The following SLC9A6 variants were observed in gnomAD, a reference collection of about 807,000 sequenced individuals.
SLC9A6 encodes the protein sodium/hydrogen exchanger 6.
Under a neutral mutation model 45.3 loss-of-function variants are expected in SLC9A6, and 6 were observed. The ratio of observed to expected loss-of-function variants is 0.13; its 90% CI spans 0.07 to 0.26. SLC9A6 has a LOEUF of 0.26. Among genes scored for constraint, SLC9A6 ranks in the 10% least tolerant of loss-of-function variants. SLC9A6 has a pLI of 1.00. For missense variants in SLC9A6, 278 were observed against 503.7 expected, an observed-to-expected ratio of 0.55 and a Z score of 4.29; for synonymous variants, 191 against 187.7, an observed-to-expected ratio of 1.02 and a Z score of -0.14.
rs538198281 is a variant in SLC9A6, at chrX:136,015,038, G to A, written c.1080+1601G>A. Among the ~76,000 whole-genome samples, 5 of 112,613 alleles carry A rather than the reference G, an allele frequency of 4.4e-5. No individual in the cohort carries two copies. In the South Asian group the frequency reaches 1.8e-3, roughly 41 times the overall value. ...GGGGAGGCAGTACAGATAAAGGCAG[G>A]AATAAAAAGAAGGCAGTAAAGTGTA... On this transcript the variant is annotated intron_variant, in intron 10 of 17. Transcript: ENST00000630721.
chrX:136,008,687 T>G (rs1603206199), intron 7 of SLC9A6, among the ~76,000 whole-genome samples: 1 of 112,337 alleles, frequency 8.9e-6, no homozygotes, highest in Non-Finnish European at 1.9e-5. Context: ...AATCGATCTA[T>G]CAGGGTAGTG....
chrX:136,034,581 T>A (rs1001199661), intron 16 of SLC9A6, among the ~76,000 whole-genome samples: 13 of 112,245 alleles, frequency 1.2e-4, no homozygotes, highest in Non-Finnish European at 2.4e-4. Context: ...TTATGTTCTA[T>A]TGAAGCAAAT....
rs781984988 is a variant in SLC9A6, at chrX:135,989,802, T to A, written c.169+3975T>A. Among the ~76,000 whole-genome samples the A allele has an allele frequency of 2.7e-5, 3 of 111,778 alleles. No individual in the cohort carries two copies. The South Asian group carries it at 1.1e-3, about 42-fold the overall frequency. ...TAGTAGGGCCTTGGGTGATGCTGATTTTTTTTATCACTGGGAGACTTTTCA... is the reference window on the plus strand; with the variant it reads ...TAGTAGGGCCTTGGGTGATGCTGATATTTTTTATCACTGGGAGACTTTTCA... On this transcript the variant is annotated intron_variant, in intron 2 of 17. Coordinates refer to ENST00000630721, the MANE Select transcript of SLC9A6 (RefSeq NM_001379110.1).
rs1019347836 is a variant in SLC9A6 at position 136,000,823 on chromosome X, A to G, written c.638-1285A>G. On this transcript the variant is annotated intron_variant, in intron 6 of 17. Transcript: ENST00000630721. ...GCTGCAATGCTTTGTAGTAGAAACT[A>G]TATCTTTTAAAATATACTGGACATG... Among the ~76,000 whole-genome samples, 8 of 110,689 alleles carry G rather than the reference A, an allele frequency of 7.2e-5. No homozygotes were observed. The Admixed American group carries it at 7.8e-4, about 11-fold the overall frequency.
chrX:136,013,413 G>A lies in SLC9A6; in HGVS notation c.1056G>A (p.Thr352=), dbSNP rs1414917241. 2 of 1,198,823 alleles carry A rather than the reference G, an allele frequency of 1.7e-6. No homozygotes were observed. Among genetic ancestry groups the A allele is most frequent in the Non-Finnish European group, 2.3e-6 (2 of 885,772 alleles). The change falls in exon 10 of 18, where the codon ACG becomes ACA. Residue 352 remains threonine (T), a synonymous_variant. Transcript: ENST00000630721. ...QAHYTYNNLS[T]ESQHRTKQLF... Reference sequence around the variant, plus strand: ...ATTATACGTATAATAATTTGTCCACGGAGTCTCAGCATAGAACTAAACAGG... The same window carrying A: ...ATTATACGTATAATAATTTGTCCACAGAGTCTCAGCATAGAACTAAACAGG...
At chrX:136,014,881 T>C (rs1556619102) in intron 10 of SLC9A6, among the ~76,000 whole-genome samples, 1 of 112,762 alleles carries the variant, frequency 8.9e-6, no homozygotes, top group Non-Finnish European at 1.9e-5. Flanking sequence ...GAATCCTAGA[T>C]TATGTACTTC....
At chrX:136,008,970 A>G (rs782612901) in intron 7 of SLC9A6, among the ~76,000 whole-genome samples, 28 of 112,354 alleles carry the variant, frequency 2.5e-4, no homozygotes, top group Middle Eastern at 4.6e-3. Context: ...TTGAATTTAC[A>G]TGAACTAATC....
At position 136,002,200 on chromosome X, in the gene SLC9A6, A is replaced by G. The variant is rs782453551; in HGVS notation, c.730A>G (p.Ile244Val). ...AAGTGTCCTCAATGATGCTGTTGCCATAGTGCTGTCCTCGTAAGTGTTTGT... is the reference window on the plus strand; with the variant it reads ...AAGTGTCCTCAATGATGCTGTTGCCGTAGTGCTGTCCTCGTAAGTGTTTGT... ...GESVLNDAVA[I>V]VLSSSIVAYQ... is the part of the protein sequence containing the mutation. The change falls in exon 7 of 18, where the codon ATA becomes GTA. Residue 244 changes from isoleucine (I) to valine (V), a missense_variant. By Grantham distance (29) the Ile-to-Val change is conservative. Around this residue, in one of 5 missense-constraint regions of SLC9A6, gnomAD observed 118 missense variants for 209.9 expected, o/e 0.56. Transcript: ENST00000630721. 8.5e-7 allele frequency: 1 copy of G among 1,181,811 alleles called. No individual in the cohort carries two copies. The highest frequency in any genetic ancestry group is 1.2e-6 in the Non-Finnish European group (1 of 868,115).
intron 2 of SLC9A6, among the ~76,000 whole-genome samples, chrX:135,988,500 T>TC (rs1556615235): frequency 2.3e-4 from 25 of 107,615 alleles, no homozygotes; most frequent in African/African-American, 8.5e-4. Flanking sequence ...TTTCTTTCTT[T>TC]TCTTTCTTTC....
At chrX:136,014,346 A>G (rs1285933675) in intron 10 of SLC9A6, among the ~76,000 whole-genome samples, 1 of 111,707 alleles carries the variant, frequency 9.0e-6, no homozygotes, top group Non-Finnish European at 1.9e-5. Flanking sequence ...CCAAGTGTAT[A>G]CATTAGGGCT....
chrX:136,021,893 G>A (rs189613813), intron 11 of SLC9A6, among the ~76,000 whole-genome samples: 3 of 111,779 alleles, frequency 2.7e-5, no homozygotes, highest in Non-Finnish European at 3.8e-5. Flanking sequence ...AGACTGTATC[G>A]TGACTCCTGA....
At chrX:135,985,215 T>G (rs2089311363), upstream of SLC9A6, 1 of 246,636 alleles carries the variant, frequency 4.1e-6, no homozygotes, top group African/African-American at 2.9e-5. Flanking sequence ...AAGCGCAGTC[T>G]GCCTCTGCTT....
chrX:136,010,614 TTAACA>T (rs1229800798), intron 8 of SLC9A6, 31 bp downstream of exon 8: 5 of 1,164,611 alleles, frequency 4.3e-6, no homozygotes, highest in East Asian at 3.0e-5. Flanking sequence ...TCTTTTCTTG[TTAACA>T]TAATATAGTA....
At chrX:136,036,959 T>C (rs2071422262) in intron 16 of SLC9A6, among the ~76,000 whole-genome samples, 1 of 112,455 alleles carries the variant, frequency 8.9e-6, no homozygotes, top group African/African-American at 3.2e-5. Flanking sequence ...CAGCACCATT[T>C]ATTGAAAAAT....
intron 15 of SLC9A6, among the ~76,000 whole-genome samples, chrX:136,031,411 A>G (rs782294617): frequency 1.8e-5 from 2 of 112,329 alleles, no homozygotes; most frequent in East Asian, 2.8e-4. Flanking sequence ...TCAAAACCCT[A>G]TGGCTGGGCC....
At chrX:136,011,886 C>T (rs781874242) in intron 8 of SLC9A6, among the ~76,000 whole-genome samples, 1 of 110,723 alleles carries the variant, frequency 9.0e-6, no homozygotes, top group Admixed American at 9.6e-5. Flanking sequence ...GTCGGGAGAT[C>T]GAGACCATCC....
chrX:135,986,992 A>G (rs982988565), intron 2 of SLC9A6, among the ~76,000 whole-genome samples: 6 of 111,359 alleles, frequency 5.4e-5, no homozygotes, highest in African/African-American at 2.0e-4. Flanking sequence ...CACAAAAGAC[A>G]TTGCTCCATG....
At chrX:136,009,074 A>G (rs782511076) in intron 7 of SLC9A6, among the ~76,000 whole-genome samples, 12 of 111,638 alleles carry the variant, frequency 1.1e-4, no homozygotes, top group Non-Finnish European at 2.1e-4. Context: ...TTGTATAGCA[A>G]TTTTTTTCTT....
chrX:136,011,878 C>T (rs1212653815), intron 8 of SLC9A6, among the ~76,000 whole-genome samples: 1 of 110,633 alleles, frequency 9.0e-6, no homozygotes, highest in African/African-American at 3.3e-5. Flanking sequence ...ATCACAAGGT[C>T]GGGAGATCGA....
Sources: allele counts gnomAD v4.1 joint callset (sites outside exome capture counted in the v4.1 genomes callset), GRCh38; gene constraint gnomAD v4.1.1; regional missense constraint gnomAD v4.1.1; transcripts MANE v1.5; gene names NCBI Gene and HGNC (gene_info 2026-07-23, HGNC 2026-07-21).